RNF212B: variants seen among roughly 807,000 people sequenced by gnomAD.
The protein encoded by RNF212B is E3 ubiquitin-protein ligase RNF212B.
Under a neutral mutation model 55.5 loss-of-function variants are expected in RNF212B, and 52 were observed. The ratio of observed to expected loss-of-function variants is 0.94; its 90% CI spans 0.75 to 1.18. The LOEUF is 1.18. Among genes scored for constraint, RNF212B ranks in the 50% most tolerant of loss-of-function variants. RNF212B has a pLI of 0.00. For missense variants in RNF212B, 289 were observed against 350.4 expected (o/e 0.82, Z 1.40); for synonymous variants, 99 against 121.4 (o/e 0.82, Z 1.21).
In RNF212B at chr14:23,244,309, G is replaced by C. The variant is rs1452915861; in HGVS notation, c.154-13G>C. On this transcript the variant is annotated splice_polypyrimidine_tract_variant and intron_variant, in intron 3 of 14. Coordinates refer to ENST00000430154, the MANE Select transcript of RNF212B (RefSeq NM_001282322.3). ...TGTGGATATTCTCACAGTGTGTATT[G>C]CTCTCTTCGTAGCTGAAGCCTCAGG... The C allele has an allele frequency of 6.7e-7, 1 of 1,497,910 alleles. No individual in the cohort carries two copies. Among genetic ancestry groups the C allele is most frequent in the East Asian group, 2.5e-5 (1 of 40,566 alleles). 92.8% of individuals were successfully genotyped at this position (1,497,910 alleles called of 1,614,324 possible).
intron 2 of RNF212B, 62 bp from the exon 3 acceptor site, chr14:23,243,194 A>T: frequency 8.1e-7 from 1 of 1,240,444 alleles, no homozygotes; most frequent in South Asian, 1.3e-5. Context: ...CATGTACTTT[A>T]AGTCTTTAAA....
intron 2 of RNF212B, among the ~76,000 whole-genome samples, chr14:23,208,757 G>GCTTTTTTTT (rs1182142805): frequency 1.0e-5 from 1 of 98,110 alleles, no homozygotes; most frequent in African/African-American, 4.6e-5. Flanking sequence ...GCTGGTTGCC[G>GCTTTTTTTT]TTTTTTTTTT....
chr14:23,189,485 A>G (rs1877907011), intron 1 of RNF212B, among the ~76,000 whole-genome samples: 2 of 152,120 alleles, frequency 1.3e-5, no homozygotes, highest in African/African-American at 4.8e-5. Flanking sequence ...GTCAGCATAC[A>G]GATGTGCTGT....
intron 2 of RNF212B, among the ~76,000 whole-genome samples, chr14:23,219,249 G>A (rs1355329608): frequency 6.6e-6 from 1 of 152,088 alleles, no homozygotes; most frequent in Non-Finnish European, 1.5e-5. Context: ...TCATCGGAAG[G>A]TACGAAACTC....
intron 2 of RNF212B, among the ~76,000 whole-genome samples, chr14:23,195,038 G>A (rs887336316): frequency 1.3e-5 from 2 of 152,018 alleles, no homozygotes; most frequent in Non-Finnish European, 2.9e-5. Context: ...AGAAAATAAG[G>A]TAAAGACTTT....
intron 1 of RNF212B, among the ~76,000 whole-genome samples, chr14:23,190,114 C>A (rs1448484865): frequency 6.6e-6 from 1 of 152,172 alleles, no homozygotes; most frequent in Non-Finnish European, 1.5e-5. Flanking sequence ...CCCCCAACCT[C>A]ATTTGTCTCT....
chr14:23,239,894 C>T (rs564809670), intron 1 of RNF212B, among the ~76,000 whole-genome samples: 1 of 152,214 alleles, frequency 6.6e-6, no homozygotes, highest in East Asian at 1.9e-4. Flanking sequence ...GCTGGGATTA[C>T]AGGCGTGAGC....
intron 2 of RNF212B, among the ~76,000 whole-genome samples, chr14:23,227,259 C>T (rs764600634): frequency 1.3e-5 from 2 of 150,650 alleles, no homozygotes; most frequent in Non-Finnish European, 3.0e-5. Flanking sequence ...AAACTTTATT[C>T]GTTGATCAGG....
At chr14:23,191,794 T>C (rs1054701633) in intron 1 of RNF212B, among the ~76,000 whole-genome samples, 1 of 152,200 alleles carries the variant, frequency 6.6e-6, no homozygotes, top group Admixed American at 6.5e-5. Context: ...TTCTTCACCA[T>C]TATTTACCTA....
upstream of RNF212B, among the ~76,000 whole-genome samples, chr14:23,234,159 CT>C (rs974270125): frequency 7.4e-5 from 11 of 148,666 alleles, no homozygotes; most frequent in East Asian, 2.0e-4. Context: ...CTGTTGGTCT[CT>C]TTTTTTTTTC....
chr14:23,232,869 G>A lies in RNF212B; in HGVS notation c.-1-7476G>A, dbSNP rs187463044. ...CCCAGCTGCCCCGTCTGGGAAGTGA[G>A]GAGCCCCTCTGCCCGGCCACCACCC... On this transcript the variant is annotated intron_variant, in intron 2 of 15. Coordinates refer to the RNF212B transcript ENST00000399910. Among the ~76,000 whole-genome samples, 881 of 123,352 alleles carry A rather than the reference G, an allele frequency of 7.1e-3. 14 individuals carry two copies. The highest frequency in any genetic ancestry group is 0.021 in the African/African-American group (828 of 39,156). The allele number at this position is 123,352 out of a possible 152,430, so 80.9% of individuals were successfully genotyped here.
intron 1 of RNF212B, among the ~76,000 whole-genome samples, chr14:23,192,008 A>C (rs1566384768): frequency 6.6e-6 from 1 of 152,212 alleles, no homozygotes; most frequent in Non-Finnish European, 1.5e-5. Flanking sequence ...TGCATTCAAG[A>C]ATATTCTAAT....
chr14:23,245,396 T>C (rs1883913594), intron 4 of RNF212B, among the ~76,000 whole-genome samples: 1 of 152,082 alleles, frequency 6.6e-6, no homozygotes, highest in South Asian at 2.1e-4. Context: ...AACAAGGTCA[T>C]AGGAACAAGA....
chr14:23,243,892 C>A (rs56260323), intron 3 of RNF212B, among the ~76,000 whole-genome samples: 26,151 of 151,646 alleles, frequency 0.17, 2,618 homozygotes, highest in South Asian at 0.25. Context: ...GCCTGGCCAA[C>A]ATGAGGAAAC....
intron 14 of RNF212B, chr14:23,272,587 C>T (rs1886186727): frequency 1.9e-6 from 1 of 519,540 alleles, no homozygotes; most frequent in Admixed American, 3.5e-5. Context: ...GTTTAATTTT[C>T]AAATATTCAT....
chr14:23,228,013 C>A (rs1013094300), intron 2 of RNF212B, among the ~76,000 whole-genome samples: 3 of 150,340 alleles, frequency 2.0e-5, no homozygotes, highest in African/African-American at 7.3e-5. Context: ...GGTGGATCAC[C>A]TGAGGTCGGG....
chr14:23,260,372 G>A (rs1885203408), intron 6 of RNF212B, among the ~76,000 whole-genome samples: 1 of 152,136 alleles, frequency 6.6e-6, no homozygotes, highest in African/African-American at 2.4e-5. Context: ...AATTATTCTA[G>A]CACATTGTAG....
chr14:23,253,523 T>C (rs569630817), intron 4 of RNF212B, among the ~76,000 whole-genome samples: 4 of 152,266 alleles, frequency 2.6e-5, no homozygotes, highest in African/African-American at 9.6e-5. Flanking sequence ...CCATCATTGG[T>C]TTGGGGGCGG....
At chr14:23,247,955 G>A (rs1196299587) in intron 4 of RNF212B, among the ~76,000 whole-genome samples, 1 of 152,128 alleles carries the variant, frequency 6.6e-6, no homozygotes, top group Non-Finnish European at 1.5e-5. Flanking sequence ...CTAAATAACA[G>A]AAATTTAATT....
Sources: gnomAD v4.1 joint callset for allele counts (sites outside exome capture counted in the v4.1 genomes callset) on GRCh38, gnomAD v4.1.1 for gene constraint, MANE v1.5 for transcripts, NCBI Gene and HGNC (gene_info 2026-07-23, HGNC 2026-07-21) for gene names.